Variants in ARSB observed in about 807,000 individuals in gnomAD.
ARSB encodes N-acetylgalactosamine-4-sulfatase.
A neutral mutation model predicts 50.9 loss-of-function variants in ARSB; 41 were observed. The ratio of observed to expected loss-of-function variants is 0.81; its 90% confidence interval spans 0.63 to 1.04. The LOEUF (loss-of-function observed/expected upper bound fraction) is 1.04, where lower values mean the gene tolerates loss of function less well. Among genes scored for constraint, ARSB ranks in the 50% least tolerant of loss-of-function variants. The pLI is 0.00. For missense variants in ARSB, 672 were observed against 693.3 expected (o/e 0.97, Z 0.35); for synonymous variants, 269 against 284.8 (o/e 0.94, Z 0.56).
In ARSB at chr5:78,834,605, G is replaced by GTATA. The variant is rs1339499167; in HGVS notation, c.1213+4750_1213+4751insTATA. On this transcript the variant is annotated intron_variant, in intron 6 of 7. Transcript: ENST00000264914. ...GGATACTATTTCATGGTATATATAT[G>GTATA]TGTATATATATATATATATATATAT... is the stretch of plus-strand genomic sequence containing the variant. Among the ~76,000 whole-genome samples, 65 of 65,278 alleles carry GTATA rather than the reference G, an allele frequency of 1.0e-3. 1 individual carries two copies. Among genetic ancestry groups the GTATA allele is most frequent in the African/African-American group, 1.7e-3 (28 of 16,828 alleles). The allele number at this position is 65,278 out of a possible 152,430, so 42.8% of individuals were successfully genotyped here. A position where few individuals can be genotyped will look rare whatever the true frequency, so the allele number is the denominator to read the frequency against.
intron 4 of ARSB, among the ~76,000 whole-genome samples, chr5:78,886,713 G>T (rs1368257262): frequency 6.6e-6 from 1 of 152,132 alleles, no homozygotes; most frequent in South Asian, 2.1e-4. Flanking sequence ...AGTATCCACA[G>T]ATTTAGGTGA....
chr5:78,972,516 T>TACACGTACACACACACACACACAC (rs1554088557), intron 1 of ARSB, among the ~76,000 whole-genome samples: 1 of 145,598 alleles, frequency 6.9e-6, no homozygotes, highest in African/African-American at 2.6e-5. Context: ...CACGCATACG[T>TACACGTACACACACACACACACAC]ACACACACAC....
At chr5:78,846,160 CT>C (rs1745433929) in intron 5 of ARSB, among the ~76,000 whole-genome samples, 1 of 152,046 alleles carries the variant, frequency 6.6e-6, no homozygotes, top group Non-Finnish European at 1.5e-5. Flanking sequence ...AATAAATGTT[CT>C]TGGTGCCTTT....
chr5:78,812,051 G>A (rs1279607976), intron 6 of ARSB, among the ~76,000 whole-genome samples: 1 of 152,120 alleles, frequency 6.6e-6, no homozygotes, highest in Non-Finnish European at 1.5e-5. Context: ...ATTAGAAAAA[G>A]TGCCACATCC....
intron 4 of ARSB, among the ~76,000 whole-genome samples, chr5:78,904,008 A>C (rs1313399229): frequency 6.6e-6 from 1 of 152,152 alleles, no homozygotes; most frequent in Non-Finnish European, 1.5e-5. Context: ...CAAATTGTAC[A>C]CCCAGCCTTA....
Position 78,969,026 on chromosome 5 carries a change from C to T in ARSB, c.479G>A (p.Arg160Gln), listed in dbSNP as rs1196325597. 9 of 1,614,146 alleles carry T rather than the reference C, an allele frequency of 5.6e-6. No individual in the cohort carries two copies. The highest frequency in any genetic ancestry group is 2.2e-5 in the East Asian group (1 of 44,882). ...ATTACCAAAGTAGGTATCAAATCCT[C>T]GGCGGGTTGGAAGGCATTCTTTCCG... is the stretch of plus-strand genomic sequence containing the variant. Reference protein sequence around the residue: ...MYRKECLPTRRGFDTYFGYLL... With the variant: ...MYRKECLPTRQGFDTYFGYLL... The change falls in exon 2 of 8, where the codon CGA (arginine) becomes CAA (glutamine). Residue 160 changes from arginine (R) to glutamine (Q), a missense_variant. Arg to Gln is a conservative substitution (Grantham distance 43). Coordinates refer to ENST00000264914, the MANE Select transcript of ARSB (RefSeq NM_000046.5).
chr5:78,841,177 A>C (rs373369818), intron 5 of ARSB, among the ~76,000 whole-genome samples: 949 of 80,870 alleles, frequency 0.012, 17 homozygotes, highest in African/African-American at 0.043. Flanking sequence ...ACTAATAATA[A>C]TAATAATTTG....
chr5:78,881,098 G>C (rs1275106524), intron 5 of ARSB, among the ~76,000 whole-genome samples: 1 of 152,098 alleles, frequency 6.6e-6, no homozygotes, highest in Non-Finnish European at 1.5e-5. Flanking sequence ...TGGGTATGTT[G>C]ATGCATACCT....
chr5:78,938,916 T>A (rs1561513791), intron 4 of ARSB, among the ~76,000 whole-genome samples: 1 of 152,224 alleles, frequency 6.6e-6, no homozygotes, highest in African/African-American at 2.4e-5. Context: ...TTAATGGTTG[T>A]GCTACTGACA....
At position 78,796,260 on chromosome 5, in the gene ARSB, G is replaced by A. The variant is rs139475209; in HGVS notation, c.1214-14286C>T. Among the ~76,000 whole-genome samples the A allele has an allele frequency of 5.6e-3, 855 of 152,286 alleles. 5 individuals are homozygous for A. The highest frequency in any genetic ancestry group is 8.5e-3 in the Non-Finnish European group (575 of 68,026). ...ACCTATGTTGTTGATCACTATATGT[G>A]TTAGACACTAAATCTTCAGAATGAA... On this transcript the variant is annotated intron_variant, in intron 6 of 7. Coordinates refer to ENST00000264914, the MANE Select transcript of ARSB (RefSeq NM_000046.5).
At chr5:78,960,162 G>T (rs1262987375) in intron 3 of ARSB, among the ~76,000 whole-genome samples, 1 of 152,170 alleles carries the variant, frequency 6.6e-6, no homozygotes. Context: ...AAATATCTAA[G>T]TATTACATAA....
intron 4 of ARSB, among the ~76,000 whole-genome samples, chr5:78,894,374 T>A (rs147775688): frequency 8.1e-4 from 123 of 152,338 alleles, no homozygotes; most frequent in African/African-American, 2.6e-3. Context: ...AGTTAAATGT[T>A]CTCAATTTTT....
intron 5 of ARSB, among the ~76,000 whole-genome samples, chr5:78,841,168 CTAA>C (rs1554074343): frequency 5.9e-4 from 78 of 132,018 alleles, no homozygotes; most frequent in Non-Finnish European, 9.5e-4. Flanking sequence ...ACTACTACTA[CTAA>C]TAATAATAAT....
At chr5:78,817,280 G>C (rs1744029297) in intron 6 of ARSB, 1 of 220,116 alleles carries the variant, frequency 4.5e-6, no homozygotes, top group South Asian at 1.6e-4. Context: ...ATCCTTCACA[G>C]CTTCCTCTCT....
At chr5:78,821,177 C>A (rs188651290) in intron 6 of ARSB, among the ~76,000 whole-genome samples, 1 of 152,118 alleles carries the variant, frequency 6.6e-6, no homozygotes, top group East Asian at 1.9e-4. Flanking sequence ...CTCTTGTCAC[C>A]CAGGCTAGAG....
At chr5:78,797,381 A>G (rs1164382598) in intron 6 of ARSB, among the ~76,000 whole-genome samples, 1 of 152,180 alleles carries the variant, frequency 6.6e-6, no homozygotes, top group African/African-American at 2.4e-5. Flanking sequence ...AGACTCCAGA[A>G]TCTTATCTCT....
At chr5:78,855,204 G>A (rs996148060) in intron 5 of ARSB, among the ~76,000 whole-genome samples, 1 of 152,198 alleles carries the variant, frequency 6.6e-6, no homozygotes, top group African/African-American at 2.4e-5. Flanking sequence ...AGCTCAGCCA[G>A]GGTACAAATT....
At chr5:78,810,019 C>T (rs776096137) in intron 6 of ARSB, among the ~76,000 whole-genome samples, 3 of 152,202 alleles carry the variant, frequency 2.0e-5, no homozygotes, top group African/African-American at 4.8e-5. Flanking sequence ...CCCCTTGATC[C>T]GGTAGTGAGT....
At chr5:78,932,156 C>T (rs757026994) in intron 4 of ARSB, among the ~76,000 whole-genome samples, 15 of 152,188 alleles carry the variant, frequency 9.9e-5, no homozygotes, top group East Asian at 1.9e-4. Flanking sequence ...CAAAAAGTCA[C>T]GAGCAGTCTA....
Sources: allele counts gnomAD v4.1 joint callset (sites outside exome capture counted in the v4.1 genomes callset), GRCh38; gene constraint gnomAD v4.1.1; transcripts MANE v1.5; gene names NCBI Gene and HGNC (gene_info 2026-07-23, HGNC 2026-07-21).